SHOC2: variants seen among roughly 807,000 people sequenced by gnomAD.
SHOC2 encodes SHOC2 leucine rich repeat scaffold protein.
Under a neutral mutation model 50.2 loss-of-function variants are expected in SHOC2, and 4 were observed. That is an observed-to-expected ratio of 0.08 (90% CI 0.04 to 0.18). The LOEUF (loss-of-function observed/expected upper bound fraction) is 0.18, where lower values mean the gene tolerates loss of function less well. Among genes scored for constraint, SHOC2 ranks in the 10% least tolerant of loss-of-function variants. The probability of loss-of-function intolerance (pLI) is 1.00; values close to 1 mark genes in which losing one functional copy is unlikely to be tolerated. For missense variants in SHOC2, 388 were observed against 669.6 expected, an observed-to-expected ratio of 0.58 and a Z score of 4.64; for synonymous variants, 218 against 244.5, an observed-to-expected ratio of 0.89 and a Z score of 1.01.
chr10:110,955,003 G>A (rs902883668), intron 1 of SHOC2, among the ~76,000 whole-genome samples: 2 of 152,068 alleles, frequency 1.3e-5, no homozygotes, highest in African/African-American at 4.8e-5. Context: ...GATTTAATGG[G>A]GCAACTCTAA....
At chr10:110,968,265 C>A (rs372455815) in intron 2 of SHOC2, among the ~76,000 whole-genome samples, 1 of 152,086 alleles carries the variant, frequency 6.6e-6, no homozygotes, top group Non-Finnish European at 1.5e-5. Context: ...AACGGAAAGA[C>A]AGAAATAGTT....
chr10:110,951,587 A>G (rs1291720860), intron 1 of SHOC2: 2 of 152,194 alleles, frequency 1.3e-5, no homozygotes, highest in East Asian at 1.9e-4. Flanking sequence ...TGAAATGTCT[A>G]CGTTCCCATG....
intron 3 of SHOC2, among the ~76,000 whole-genome samples, chr10:110,999,463 C>T (rs369836365): frequency 6.6e-5 from 10 of 151,938 alleles, no homozygotes; most frequent in Non-Finnish European, 1.0e-4. Flanking sequence ...CTCAGCTGGG[C>T]GCAGTGGCTC....
At position 110,967,510 on chromosome 10, in the gene SHOC2, A is replaced by G. The variant is rs983496513; in HGVS notation, c.703+2449A>G. Among the ~76,000 whole-genome samples, 37 of 152,230 alleles carry G rather than the reference A, an allele frequency of 2.4e-4. 1 individual carries two copies. Among genetic ancestry groups the G allele is most frequent in the Admixed American group, 2.4e-3 (37 of 15,284 alleles). ...ATACCATACAATATACACATTAAAA[A>G]TAAACAATTCAGTGGTTTTTAGAAT... On this transcript the variant is annotated intron_variant, in intron 2 of 8. Transcript: ENST00000369452.
At chr10:110,949,070 A>G (rs1847301687) in intron 1 of SHOC2, among the ~76,000 whole-genome samples, 1 of 152,154 alleles carries the variant, frequency 6.6e-6, no homozygotes, top group South Asian at 2.1e-4. Context: ...TCCAAACCAG[A>G]CATAAAGTTG....
At chr10:111,005,322 A>C (rs575837269) in intron 5 of SHOC2, among the ~76,000 whole-genome samples, 19 of 152,266 alleles carry the variant, frequency 1.2e-4, no homozygotes, top group African/African-American at 3.9e-4. Context: ...GTATAGTTGT[A>C]GGGATATGTA....
chr10:110,928,098 C>T (rs892570892), intron 1 of SHOC2, among the ~76,000 whole-genome samples: 6 of 152,240 alleles, frequency 3.9e-5, no homozygotes, highest in South Asian at 2.1e-4. Context: ...GGGTGGGTCA[C>T]CTGAGGTCAG....
intron 4 of SHOC2, among the ~76,000 whole-genome samples, chr10:111,000,922 T>C (rs985228492): frequency 6.6e-6 from 1 of 152,070 alleles, no homozygotes; most frequent in Non-Finnish European, 1.5e-5. Context: ...AGTTCAGTTA[T>C]AAAAAGAAAG....
At chr10:110,936,509 C>G in intron 1 of SHOC2, 1 of 589,202 alleles carries the variant, frequency 1.7e-6, no homozygotes, top group South Asian at 2.1e-5. Context: ...CTTTGAGAAA[C>G]AGTAATTTTA....
At chr10:110,988,876 T>TTA (rs1384975701) in intron 3 of SHOC2, 1 of 461,464 alleles carries the variant, frequency 2.2e-6, no homozygotes, top group Non-Finnish European at 4.4e-6. Context: ...TATTTTCCTT[T>TTA]TAAAAGTTTT....
chr10:110,964,317 AT>A lies in SHOC2; in HGVS notation c.-41del, dbSNP rs1369348728. On this transcript the variant is annotated 5_prime_UTR_variant, in exon 2 of 9. Transcript: ENST00000369452. This position sits in a 1 kb window ranked among gnomAD's most constrained non-coding sequence, Gnocchi z 4.9. ...CATCTTTGAATTCAATTACTGGAAA[AT>A]AAAAGGAGTTCATGTAGTTTTTGTC... 1 of 1,599,874 alleles carries A rather than the reference AT, an allele frequency of 6.3e-7. No individual in the cohort carries two copies. Among genetic ancestry groups the A allele is most frequent in the African/African-American group, 1.3e-5 (1 of 74,336 alleles).
intron 1 of SHOC2, among the ~76,000 whole-genome samples, chr10:110,953,652 A>G (rs1030481129): frequency 2.0e-5 from 3 of 151,986 alleles, no homozygotes; most frequent in African/African-American, 7.2e-5. Flanking sequence ...AAGGAGCACA[A>G]TTGATGGATT....
At chr10:110,960,570 G>A (rs184648350) in intron 1 of SHOC2, among the ~76,000 whole-genome samples, 13 of 152,248 alleles carry the variant, frequency 8.5e-5, no homozygotes, top group Admixed American at 2.0e-4. Context: ...TGGGACTAGA[G>A]GAACTATTCT....
intron 3 of SHOC2, among the ~76,000 whole-genome samples, chr10:110,989,911 C>G (rs1466530174): frequency 1.3e-5 from 2 of 152,010 alleles, no homozygotes; most frequent in Non-Finnish European, 2.9e-5. Flanking sequence ...ATATGTCACA[C>G]AGTGACATAT....
intron 3 of SHOC2, among the ~76,000 whole-genome samples, chr10:110,994,265 A>G (rs12413906): frequency 6.6e-6 from 1 of 152,240 alleles, no homozygotes; most frequent in East Asian, 1.9e-4. Flanking sequence ...AGCAGTGGCC[A>G]TAGGAATGGA....
chr10:110,934,126 A>C (rs945801129), intron 1 of SHOC2, among the ~76,000 whole-genome samples: 1 of 152,218 alleles, frequency 6.6e-6, no homozygotes, highest in Non-Finnish European at 1.5e-5. Flanking sequence ...AAGTTGATGC[A>C]GGCTCTTTGG....
chr10:110,966,349 T>C (rs1443163898), intron 2 of SHOC2, among the ~76,000 whole-genome samples: 2 of 152,128 alleles, frequency 1.3e-5, no homozygotes, highest in Non-Finnish European at 2.9e-5. Flanking sequence ...ATTCCATGTC[T>C]TCAGATAGGA....
chr10:110,929,627 AC>A (rs1488762433), intron 1 of SHOC2, among the ~76,000 whole-genome samples: 1 of 152,242 alleles, frequency 6.6e-6, no homozygotes, highest in Non-Finnish European at 1.5e-5. Context: ...AGAGTCTCTT[AC>A]AGGTCTTCCT....
intron 2 of SHOC2, among the ~76,000 whole-genome samples, chr10:110,980,631 CATG>C (rs1459472870): frequency 6.6e-6 from 1 of 152,162 alleles, no homozygotes; most frequent in African/African-American, 2.4e-5. Context: ...CTCTGATTAT[CATG>C]GTTTGCTTCA....
Sources: allele counts gnomAD v4.1 joint callset (sites outside exome capture counted in the v4.1 genomes callset), GRCh38; gene constraint gnomAD v4.1.1; non-coding constraint Gnocchi (gnomAD v3.1); transcripts MANE v1.5; gene names NCBI Gene and HGNC (gene_info 2026-07-23, HGNC 2026-07-21).